SRD5A2: variants seen among roughly 807,000 people sequenced by gnomAD.
The protein encoded by SRD5A2 is 3-oxo-5-alpha-steroid 4-dehydrogenase 2.
A neutral mutation model predicts 27.4 loss-of-function variants in SRD5A2; 30 were observed. The ratio of observed to expected loss-of-function variants is 1.10; its 90% CI spans 0.82 to 1.49. The LOEUF (loss-of-function observed/expected upper bound fraction) is 1.49, where lower values mean the gene tolerates loss of function less well. SRD5A2 is among the 40% of genes most tolerant of loss of function. SRD5A2 has a pLI of 0.00. For synonymous variants in SRD5A2, 141 were observed against 133.6 expected (o/e 1.06, Z -0.38); for missense variants, 348 against 323.4 (o/e 1.08, Z -0.58).
In SRD5A2 at chr2:31,550,777, G is replaced by A. The variant is rs571136140; in HGVS notation, c.282-17011C>T. On this transcript the variant is annotated intron_variant, in intron 1 of 4. Transcript: ENST00000622030. ...GAACATCTACAGCTAACATTATATCGAACAGTCAGTAACTGAATGTTTTTT... is the reference window on the plus strand; with the variant it reads ...GAACATCTACAGCTAACATTATATCAAACAGTCAGTAACTGAATGTTTTTT... 7.2e-5 allele frequency among the ~76,000 whole-genome samples: 11 copies of A among 151,916 alleles called. No homozygotes were observed. The East Asian group carries it at 7.7e-4, about 11-fold the overall frequency.
chr2:31,619,341 T>A, the SRD5A2 span, among the ~76,000 whole-genome samples: 7 of 152,160 alleles, frequency 4.6e-5, no homozygotes, highest in African/African-American at 1.7e-4. Context: ...AGTCTATCAT[T>A]GATGGGCATT....
In SRD5A2 at chr2:31,547,350, C is replaced by T. The variant is rs937307677; in HGVS notation, c.282-13584G>A. On this transcript the variant is annotated intron_variant, in intron 1 of 4. Coordinates refer to ENST00000622030, the MANE Select transcript of SRD5A2 (RefSeq NM_000348.4). The stretch of plus-strand genomic sequence containing the variant: ...ATGTCTCCCTTCTGTAAAAGGGAAA[C>T]CCAAGTGATTTAGCATTTGATTCTA... Among the ~76,000 whole-genome samples, 5 of 152,106 alleles carry T rather than the reference C, an allele frequency of 3.3e-5. No homozygotes were observed. In the South Asian group the frequency reaches 6.2e-4, roughly 19 times the overall value.
At chr2:31,566,277 T>C (rs1444393806) in intron 1 of SRD5A2, among the ~76,000 whole-genome samples, 1 of 152,094 alleles carries the variant, frequency 6.6e-6, no homozygotes, top group East Asian at 1.9e-4. Flanking sequence ...TTTATAACCT[T>C]GGCTTCCACC....
the SRD5A2 span, among the ~76,000 whole-genome samples, chr2:31,586,427 G>C: frequency 6.6e-6 from 1 of 152,182 alleles, no homozygotes. Context: ...TGGCCAGGGA[G>C]TGGTTACAGC....
At chr2:31,659,871 T>C in the SRD5A2 span, among the ~76,000 whole-genome samples, 1 of 152,140 alleles carries the variant, frequency 6.6e-6, no homozygotes. Flanking sequence ...TTTACCCATA[T>C]AGTAGGGTGT....
At chr2:31,633,941 AT>A in the SRD5A2 span, among the ~76,000 whole-genome samples, 1 of 152,194 alleles carries the variant, frequency 6.6e-6, no homozygotes, top group Admixed American at 6.5e-5. Flanking sequence ...AACTTAAAGT[AT>A]AATAAAAAAA....
At chr2:31,644,209 A>G in the SRD5A2 span, among the ~76,000 whole-genome samples, 1 of 152,212 alleles carries the variant, frequency 6.6e-6, no homozygotes, top group East Asian at 1.9e-4. Context: ...GGCAAACTCA[A>G]GTTGAGAGAC....
chr2:31,546,515 T>G (rs1340652953), intron 1 of SRD5A2, among the ~76,000 whole-genome samples: 2 of 334 alleles, frequency 6.0e-3, no homozygotes, highest in African/African-American at 0.014. Flanking sequence ...GAGGCCTTTA[T>G]TCAAAGCCAA....
the SRD5A2 span, among the ~76,000 whole-genome samples, chr2:31,586,037 ATTATTAT>A: frequency 6.6e-6 from 1 of 151,856 alleles, no homozygotes; most frequent in Non-Finnish European, 1.5e-5. Flanking sequence ...TATTCATTTT[ATTATTAT>A]TTATTATTAT....
chr2:31,526,233 G>T lies in SRD5A2; in HGVS notation c.728C>A (p.Pro243His). 1 of 1,590,266 alleles carries T rather than the reference G, an allele frequency of 6.3e-7. No homozygotes were observed. Among genetic ancestry groups the T allele is most frequent in the African/African-American group, 1.3e-5 (1 of 74,524 alleles). ...RFYLKMFEDY[P>H]KSRKALIPFI... ...TGGAATAAGGGCTTTCCGAGATTTG[G>T]GGTAGTCCTCAAACATCTTGAGGTA... Residue 243 changes from proline to histidine, a missense_variant, in exon 5 of 5, where the codon CCC becomes CAC. Physicochemically the swap from Pro to His is moderately conservative, Grantham distance 77. Transcript: ENST00000622030.
the SRD5A2 span, among the ~76,000 whole-genome samples, chr2:31,609,471 T>C: frequency 5.3e-5 from 8 of 152,106 alleles, no homozygotes; most frequent in East Asian, 1.5e-3. Flanking sequence ...ACATCTATGG[T>C]CAACTGATTT....
the SRD5A2 span, among the ~76,000 whole-genome samples, chr2:31,648,128 T>C: frequency 6.6e-6 from 1 of 152,190 alleles, no homozygotes; most frequent in African/African-American, 2.4e-5. Context: ...GTGAGGCTAG[T>C]GTTTGTGAAG....
intron 4 of SRD5A2, among the ~76,000 whole-genome samples, chr2:31,527,863 T>C (rs1388337193): frequency 6.6e-6 from 1 of 152,200 alleles, no homozygotes; most frequent in African/African-American, 2.4e-5. Flanking sequence ...CATTCTTAGT[T>C]AAATCTTCAA....
chr2:31,560,014 T>A (rs1343097236), intron 1 of SRD5A2, among the ~76,000 whole-genome samples: 6 of 151,866 alleles, frequency 4.0e-5, no homozygotes, highest in Non-Finnish European at 7.4e-5. Flanking sequence ...CATCACTTTT[T>A]AAAAAATTGT....
chr2:31,522,902 C>A lies in SRD5A2; in HGVS notation c.*3294G>T, dbSNP rs1665687202. ...TTCCTTCATGTGCCAAGAGCTTGCT[C>A]CCCTGCTTCTTAGTGAGATTGCCAT... On this transcript the variant is annotated 3_prime_UTR_variant, in exon 5 of 5. Transcript: ENST00000622030. The A allele has an allele frequency of 4.5e-6, 1 of 223,642 alleles. No homozygotes were observed. The highest frequency in any genetic ancestry group is 8.9e-6 in the Non-Finnish European group (1 of 112,164). The allele number at this position is 223,642 out of a possible 1,614,324, so 13.9% of individuals were successfully genotyped here.
chr2:31,657,935 T>C, the SRD5A2 span, among the ~76,000 whole-genome samples: 1 of 151,700 alleles, frequency 6.6e-6, no homozygotes, highest in South Asian at 2.1e-4. Context: ...AAAAATCATC[T>C]CTAGAAGAAA....
At chr2:31,547,177 C>T (rs1179849329) in intron 1 of SRD5A2, among the ~76,000 whole-genome samples, 4 of 151,948 alleles carry the variant, frequency 2.6e-5, no homozygotes. Context: ...AATACAGAGT[C>T]CAGAAATAAA....
chr2:31,540,741 A>C (rs1666113162), intron 1 of SRD5A2, among the ~76,000 whole-genome samples: 3 of 152,242 alleles, frequency 2.0e-5, no homozygotes, highest in Admixed American at 6.5e-5. Context: ...TTTAGCTCTT[A>C]GCACAGTAAC....
At chr2:31,570,906 A>G (rs938066940) in intron 1 of SRD5A2, among the ~76,000 whole-genome samples, 1 of 152,272 alleles carries the variant, frequency 6.6e-6, no homozygotes, top group Non-Finnish European at 1.5e-5. Flanking sequence ...TTCCATGCTC[A>G]TGGATAGAAA....
Sources: gnomAD v4.1 joint callset for allele counts (sites outside exome capture counted in the v4.1 genomes callset) on GRCh38, gnomAD v4.1.1 for gene constraint, MANE v1.5 for transcripts, NCBI Gene and HGNC (gene_info 2026-07-23, HGNC 2026-07-21) for gene names.